GBP3: variants seen among roughly 807,000 people sequenced by gnomAD.
GBP3 encodes the protein guanylate binding protein 3, also known as guanylate-binding protein 3.
Under a neutral mutation model 62.4 loss-of-function variants are expected in GBP3, and 55 were observed. The ratio of observed to expected loss-of-function variants is 0.88; its 90% CI spans 0.71 to 1.10. GBP3 has a LOEUF of 1.10. Ranked by LOEUF, GBP3 falls within the 50% of genes least tolerant of loss-of-function variation. GBP3 has a pLI of 0.00. For missense variants in GBP3, 605 were observed against 690.6 expected (o/e 0.88, Z 1.39); for synonymous variants, 208 against 259.2 (o/e 0.80, Z 1.90).
chr1:89,021,510 G>GCGCACACACACACACA lies in GBP3; in HGVS notation c.-22-768_-22-767insTGTGTGTGTGTGTGCG, dbSNP rs751639388. On this transcript the variant is annotated intron_variant, in intron 1 of 10. Coordinates refer to ENST00000370481, the MANE Select transcript of GBP3 (RefSeq NM_018284.3). The stretch of plus-strand genomic sequence containing the variant: ...CTAAGAAACACGCATGCGCGCGCGC[G>GCGCACACACACACACA]CACACACACACACACACACACACAC... Among the ~76,000 whole-genome samples the GCGCACACACACACACA allele has an allele frequency of 2.1e-3, 280 of 131,718 alleles. 3 individuals are homozygous for GCGCACACACACACACA. The highest frequency in any genetic ancestry group is 7.7e-3 in the African/African-American group (256 of 33,274). 86.4% of individuals were successfully genotyped at this position (131,718 alleles called of 152,430 possible). A position where few individuals can be genotyped will look rare whatever the true frequency, so the allele number is the denominator to read the frequency against.
rs375418649 is a variant in GBP3 at position 89,018,060 on chromosome 1, C to G, written c.190+2472G>C. 1.1e-4 allele frequency among the ~76,000 whole-genome samples: 16 copies of G among 149,790 alleles called. 2 individuals carry two copies. The highest frequency in any genetic ancestry group is 1.3e-4 in the Admixed American group (2 of 15,036). On this transcript the variant is annotated intron_variant, in intron 2 of 10. Coordinates refer to ENST00000370481, the MANE Select transcript of GBP3 (RefSeq NM_018284.3). ...TGCCACTGCACTCCAGCCTGGGTGA[C>G]AGAGTGAGACTGTGTCTCAAAAAAA...
Position 89,007,865 on chromosome 1 carries a change from A to G in GBP3, c.1660-13T>C. On this transcript the variant is annotated splice_polypyrimidine_tract_variant and intron_variant, in intron 10 of 10. Coordinates refer to ENST00000370481, the MANE Select transcript of GBP3 (RefSeq NM_018284.3). ...CTCGGGCCTGTTCCTAAAAAGGGAC[A>G]AATGGAGGCTAAATAAGTGTAGCAT... 3 of 1,608,336 alleles carry G rather than the reference A, an allele frequency of 1.9e-6. No individual in the cohort carries two copies. Among genetic ancestry groups the G allele is most frequent in the East Asian group, 2.2e-5 (1 of 44,818 alleles).
At position 89,007,784 on chromosome 1, in the gene GBP3, C is replaced by T. The variant is rs764870946; in HGVS notation, c.1728G>A (p.Lys576=). The T allele has an allele frequency of 5.4e-5, 87 of 1,612,830 alleles. No homozygotes were observed. Among genetic ancestry groups the T allele is most frequent in the Non-Finnish European group, 6.8e-5 (80 of 1,179,388 alleles). Reference sequence around the variant, plus strand: ...TTTTTTTTTTCAGGGTCTTCTGTAGCTTTTGTATCTCATTTTGAAGTTGGG... The same window carrying T: ...TTTTTTTTTTCAGGGTCTTCTGTAGTTTTTGTATCTCATTTTGAAGTTGGG... ...ESTQLQNEIQ[K]LQKTLKKKTK... is the part of the protein sequence containing the mutation. The change falls in exon 11 of 11, where the codon AAG becomes AAA. Residue 576 remains lysine, a synonymous_variant. Transcript: ENST00000370481.
At chr1:89,019,140 G>A (rs1019695987) in intron 2 of GBP3, among the ~76,000 whole-genome samples, 3 of 152,178 alleles carry the variant, frequency 2.0e-5, no homozygotes, top group Admixed American at 6.5e-5. Context: ...GTGAAAGCAG[G>A]GACTCGAACA....
chr1:89,008,712 G>A (rs997372218), intron 10 of GBP3: 9 of 663,324 alleles, frequency 1.4e-5, no homozygotes, highest in African/African-American at 1.8e-5. Context: ...TATGACAGCC[G>A]TAAGTGGAAG....
At chr1:89,019,679 T>C (rs1320567836) in intron 2 of GBP3, among the ~76,000 whole-genome samples, 1 of 152,210 alleles carries the variant, frequency 6.6e-6, no homozygotes, top group African/African-American at 2.4e-5. Flanking sequence ...ATTGAATGAC[T>C]CCACTTATAT....
intron 2 of GBP3, among the ~76,000 whole-genome samples, chr1:89,019,662 G>C (rs962485045): frequency 6.6e-6 from 1 of 152,156 alleles, no homozygotes; most frequent in African/African-American, 2.4e-5. Context: ...GTCACCAAAG[G>C]ACAAATATTG....
At chr1:89,018,709 TG>T (rs376413291) in intron 2 of GBP3, among the ~76,000 whole-genome samples, 24 of 152,332 alleles carry the variant, frequency 1.6e-4, no homozygotes, top group African/African-American at 5.8e-4. Flanking sequence ...TTCATCCCCA[TG>T]TGACCATCTC....
intron 1 of GBP3, among the ~76,000 whole-genome samples, chr1:89,021,513 C>A (rs1679203549): frequency 8.2e-6 from 1 of 121,584 alleles, no homozygotes; most frequent in South Asian, 2.9e-4. Flanking sequence ...CGCGCGCGCA[C>A]ACACACACAC....
In GBP3 at chr1:89,014,166, C is replaced by T; in HGVS notation, c.542G>A (p.Arg181Lys). The change falls in exon 5 of 11, where the codon AGA becomes AAA. Residue 181 changes from arginine to lysine, a missense_variant. This residue lies in a region of GBP3 where 308 missense variants were observed against 318.0 expected (regional missense o/e 0.97). Coordinates refer to ENST00000370481, the MANE Select transcript of GBP3 (RefSeq NM_018284.3). ...SFFPDFVWTL[R>K]DFSLDLEADG... Reference sequence around the variant, plus strand: ...TGCTTCCAAGTCCAGGGAGAAATCTCTCAGTGTCCACACAAAATCTGGGAA... The same window carrying T: ...TGCTTCCAAGTCCAGGGAGAAATCTTTCAGTGTCCACACAAAATCTGGGAA... 1 of 1,614,218 alleles carries T rather than the reference C, an allele frequency of 6.2e-7. No individual in the cohort carries two copies. Among genetic ancestry groups the T allele is most frequent in the East Asian group, 2.2e-5 (1 of 44,882 alleles).
intron 1 of GBP3, among the ~76,000 whole-genome samples, chr1:89,021,874 G>A (rs1679255181): frequency 8.0e-6 from 1 of 124,862 alleles, no homozygotes; most frequent in African/African-American, 2.6e-5. Flanking sequence ...GATGAGTGAA[G>A]CTAGTGTTTT....
chr1:89,014,503 T>G, intron 4 of GBP3, 44 bp downstream of exon 4: 1 of 1,614,056 alleles, frequency 6.2e-7, no homozygotes, highest in Non-Finnish European at 8.5e-7. Flanking sequence ...TGAATACAGG[T>G]GTCCCCTCTG....
intron 2 of GBP3, chr1:89,020,014 G>A (rs1055709222): frequency 1.1e-5 from 2 of 177,880 alleles, no homozygotes; most frequent in African/African-American, 4.7e-5. Context: ...ACATGGGCAG[G>A]CGATCTCTTG....
rs1282166828 is a variant in GBP3, at chr1:89,007,099, T to C, written c.*625A>G. ...GGTCTCAGGTGTCACATTAAGGTTATAATCTAGATGAATTGAACAAGAAAG... is the reference window on the plus strand; with the variant it reads ...GGTCTCAGGTGTCACATTAAGGTTACAATCTAGATGAATTGAACAAGAAAG... On this transcript the variant is annotated 3_prime_UTR_variant, in exon 11 of 11. Coordinates refer to ENST00000370481, the MANE Select transcript of GBP3 (RefSeq NM_018284.3). The C allele has an allele frequency of 1.3e-5, 2 of 152,286 alleles. No homozygotes were observed. The highest frequency in any genetic ancestry group is 4.8e-5 in the African/African-American group (2 of 41,472). The allele number at this position is 152,286 out of a possible 1,614,324, so 9.4% of individuals were successfully genotyped here.
At chr1:89,016,314 G>T (rs971412383) in intron 2 of GBP3, among the ~76,000 whole-genome samples, 4 of 152,100 alleles carry the variant, frequency 2.6e-5, no homozygotes, top group African/African-American at 9.7e-5. Context: ...AGACCATCTG[G>T]CCAATGTGGT....
intron 3 of GBP3, among the ~76,000 whole-genome samples, chr1:89,014,996 A>G (rs1423567496): frequency 1.3e-5 from 2 of 152,104 alleles, no homozygotes; most frequent in Non-Finnish European, 1.5e-5. Context: ...GCAGGATAGG[A>G]CTCGTGACAT....
At position 89,012,128 on chromosome 1, in the gene GBP3, A is replaced by G. The variant is rs1375430676; in HGVS notation, c.869-101T>C. ...AATTTCCACCTATTTTCCTCACAGC[A>G]TCAAGGTCCTCAGAATCATCTGGAA... On this transcript the variant is annotated intron_variant, in intron 6 of 10. Transcript: ENST00000370481. 3.5e-6 allele frequency: 4 copies of G among 1,144,712 alleles called. 1 individual carries two copies. Among genetic ancestry groups the G allele is most frequent in the Non-Finnish European group, 2.5e-6 (2 of 800,230 alleles). 70.9% of individuals were successfully genotyped at this position (1,144,712 alleles called of 1,614,324 possible).
intron 8 of GBP3, among the ~76,000 whole-genome samples, chr1:89,009,758 T>C (rs967855175): frequency 1.3e-5 from 2 of 152,112 alleles, no homozygotes; most frequent in African/African-American, 4.8e-5. Flanking sequence ...GGCTCTAAAT[T>C]TGATGCTGTG....
intron 10 of GBP3, 127 bp downstream of exon 10, chr1:89,008,820 G>T: frequency 6.7e-7 from 1 of 1,498,688 alleles, no homozygotes; most frequent in South Asian, 1.3e-5. Flanking sequence ...ACAGAAACAA[G>T]AAAGTACAAG....
Sources: gnomAD v4.1 joint callset for allele counts (sites outside exome capture counted in the v4.1 genomes callset) on GRCh38, gnomAD v4.1.1 for gene constraint, gnomAD v4.1.1 regional missense constraint, MANE v1.5 for transcripts, NCBI Gene and HGNC (gene_info 2026-07-23, HGNC 2026-07-21) for gene names.